Variants in DNMT3A observed in about 807,000 individuals in gnomAD.
DNMT3A encodes the protein DNA methyltransferase 3 alpha.
A neutral mutation model predicts 117.6 loss-of-function variants in DNMT3A; 267 were observed. The ratio of observed to expected loss-of-function variants is 2.27; its 90% CI spans 2.05 to 2.51. The LOEUF (loss-of-function observed/expected upper bound fraction) is 2.51. Ranked by LOEUF, DNMT3A falls within the 30% of genes most tolerant of loss-of-function variation. The probability of loss-of-function intolerance (pLI) is 0.00; values close to 1 mark genes in which losing one functional copy is unlikely to be tolerated. For synonymous variants in DNMT3A, 432 were observed against 474.8 expected (o/e 0.91, Z 1.17); for missense variants, 1,029 against 1,260.2 (o/e 0.82, Z 2.78).
chr2:25,305,736 C>A lies in DNMT3A; in HGVS notation c.73-5493G>T, dbSNP rs2033748244. On this transcript the variant is annotated intron_variant, in intron 2 of 22. Coordinates refer to ENST00000321117, the MANE Select transcript of DNMT3A (RefSeq NM_022552.5). The surrounding 1 kb of genome is among the most constrained non-coding windows in gnomAD (Gnocchi z 4.1). Reference sequence around the variant, plus strand: ...CACACACAGTGACACCATAAAGATACAGGCAATCCAAGGTCAAGGCACACT... The same window carrying A: ...CACACACAGTGACACCATAAAGATAAAGGCAATCCAAGGTCAAGGCACACT... Among the ~76,000 whole-genome samples the A allele has an allele frequency of 6.6e-6, 1 of 152,180 alleles. No individual in the cohort carries two copies. Among genetic ancestry groups the A allele is most frequent in the South Asian group, 2.1e-4 (1 of 4,828 alleles).
At chr2:25,274,715 A>G (rs934650010) in intron 6 of DNMT3A, among the ~76,000 whole-genome samples, 2 of 152,216 alleles carry the variant, frequency 1.3e-5, no homozygotes, top group East Asian at 1.9e-4. Flanking sequence ...TGTCAACTCC[A>G]TGAGAGCAGG....
At chr2:25,321,489 ATTAAT>A (rs1299602886) in intron 1 of DNMT3A, among the ~76,000 whole-genome samples, 4 of 152,196 alleles carry the variant, frequency 2.6e-5, no homozygotes, top group African/African-American at 9.7e-5. Context: ...TCTCTAGGTC[ATTAAT>A]TTAATCACAT....
chr2:25,326,108 A>ATGTGTGTGTG (rs61521265), intron 1 of DNMT3A, among the ~76,000 whole-genome samples: 2,254 of 142,316 alleles, frequency 0.016, 23 homozygotes, highest in African/African-American at 0.031. Context: ...CTTGATATAT[A>ATGTGTGTGTG]TGTGTGTGTG....
intron 1 of DNMT3A, among the ~76,000 whole-genome samples, chr2:25,325,807 C>A (rs1367856712): frequency 6.6e-6 from 1 of 152,314 alleles, no homozygotes; most frequent in East Asian, 1.9e-4. Flanking sequence ...TGGAACCCAG[C>A]GAATTCTCTC....
chr2:25,240,264 C>G, intron 19 of DNMT3A, 38 bp downstream of exon 19: 1 of 1,613,494 alleles, frequency 6.2e-7, no homozygotes, highest in East Asian at 2.2e-5. Context: ...AGGTAGAAGC[C>G]ATTAGTGAGC....
rs1035999814 is a variant in DNMT3A at position 25,294,854 on chromosome 2, C to T, written c.177+5285G>A. ...AGCCCTAACACCAGCTTGGGCTCAG[C>T]TGAGCTCAGCACCAGCGCCCAGCCC... On this transcript the variant is annotated intron_variant, in intron 3 of 22. Transcript: ENST00000321117. The surrounding 1 kb of genome is among the most constrained non-coding windows in gnomAD (Gnocchi z 4.7). Among the ~76,000 whole-genome samples the T allele has an allele frequency of 6.6e-6, 1 of 152,222 alleles. No individual in the cohort carries two copies. The highest frequency in any genetic ancestry group is 1.5e-5 in the Non-Finnish European group (1 of 68,026).
At chr2:25,275,741 G>C (rs528934546) in intron 4 of DNMT3A, among the ~76,000 whole-genome samples, 198 bp from the exon 5 acceptor site, 1 of 152,344 alleles carries the variant, frequency 6.6e-6, no homozygotes, top group East Asian at 1.9e-4. Flanking sequence ...GCAGGGCCTA[G>C]GGCAGAGAAA....
At chr2:25,314,335 C>T in intron 1 of DNMT3A, 174 bp from the exon 2 acceptor site, 1 of 985,330 alleles carries the variant, frequency 1.0e-6, no homozygotes, top group Non-Finnish European at 1.2e-6. Context: ...GGGCCACCTC[C>T]TACCCCAGCA....
At chr2:25,278,001 T>TCTCACA (rs769383520) in intron 4 of DNMT3A, among the ~76,000 whole-genome samples, 1 of 90,500 alleles carries the variant, frequency 1.1e-5, no homozygotes, top group South Asian at 4.3e-4. Context: ...ACTTGAGTGA[T>TCTCACA]CACACACACA....
rs924090661 is a variant in DNMT3A, at chr2:25,286,300, C to G, written c.178-3589G>C. 8.5e-5 allele frequency among the ~76,000 whole-genome samples: 13 copies of G among 152,240 alleles called. 1 individual carries two copies. The highest frequency in any genetic ancestry group is 1.8e-4 in the Non-Finnish European group (12 of 68,042). On this transcript the variant is annotated intron_variant, in intron 3 of 22. Transcript: ENST00000321117. The surrounding 1 kb of genome is among the most constrained non-coding windows in gnomAD (Gnocchi z 4.3). The stretch of plus-strand genomic sequence containing the variant: ...CCTGCCCTGGCCTTGCCCGCGGACC[C>G]CAGTCTGCAACAGCACCAGATGCGC...
intron 6 of DNMT3A, among the ~76,000 whole-genome samples, chr2:25,264,140 T>TTTTTTTTTTTTC (rs2029981999): frequency 7.7e-6 from 1 of 130,620 alleles, no homozygotes; most frequent in African/African-American, 2.8e-5. Context: ...TGGTTTTTTT[T>TTTTTTTTTTTTC]TTTTTTTTTT....
chr2:25,293,675 A>AT lies in DNMT3A; in HGVS notation c.177+6463_177+6464insA, dbSNP rs1558716405. The stretch of plus-strand genomic sequence containing the variant: ...CTACTATTTATTATATATATATATA[A>AT]AAATTTATTTTTTTGAGACAGAGTC... On this transcript the variant is annotated intron_variant, in intron 3 of 22. Transcript: ENST00000321117. This position sits in a 1 kb window ranked among gnomAD's most constrained non-coding sequence, Gnocchi z 4.7. Among the ~76,000 whole-genome samples, 1,061 of 151,660 alleles carry AT rather than the reference A, an allele frequency of 7.0e-3. 12 individuals carry two copies. Among genetic ancestry groups the AT allele is most frequent in the African/African-American group, 0.024 (1,007 of 41,344 alleles).
chr2:25,326,517 G>C (rs557531396), intron 1 of DNMT3A, among the ~76,000 whole-genome samples: 15 of 152,204 alleles, frequency 9.9e-5, no homozygotes, highest in Non-Finnish European at 2.1e-4. Context: ...TGTGAAGATG[G>C]AGCTGGGCCC....
chr2:25,309,215 C>T (rs2033950693), intron 2 of DNMT3A, among the ~76,000 whole-genome samples: 1 of 152,208 alleles, frequency 6.6e-6, no homozygotes, highest in Non-Finnish European at 1.5e-5. Context: ...CATCCAACAG[C>T]CTTGCGGAGC....
chr2:25,326,021 G>A (rs1442284884), intron 1 of DNMT3A, among the ~76,000 whole-genome samples: 1 of 152,056 alleles, frequency 6.6e-6, no homozygotes, highest in African/African-American at 2.4e-5. Context: ...AATGAAGCCA[G>A]GTAGCAAGTG....
chr2:25,284,193 AC>A (rs1273853118), intron 3 of DNMT3A, among the ~76,000 whole-genome samples: 1 of 152,206 alleles, frequency 6.6e-6, no homozygotes, highest in Non-Finnish European at 1.5e-5. Flanking sequence ...AAAGGCAGGG[AC>A]AGCATCAGCA....
At position 25,311,745 on chromosome 2, in the gene DNMT3A, C is replaced by T. The variant is rs756447080; in HGVS notation, c.72+2168G>A. On this transcript the variant is annotated intron_variant, in intron 2 of 22. Coordinates refer to ENST00000321117, the MANE Select transcript of DNMT3A (RefSeq NM_022552.5). This position sits in a 1 kb window ranked among gnomAD's most constrained non-coding sequence, Gnocchi z 5.2. ...GACCTTATCTGACTTCCACAACCAC[C>T]CTTTAAAACAGGCAAGGCTGGAGTC... is the stretch of plus-strand genomic sequence containing the variant. Among the ~76,000 whole-genome samples, 72 of 152,158 alleles carry T rather than the reference C, an allele frequency of 4.7e-4. No individual in the cohort carries two copies. Among genetic ancestry groups the T allele is most frequent in the Non-Finnish European group, 9.1e-4 (62 of 68,014 alleles).
At chr2:25,323,094 C>A (rs1200375500) in intron 1 of DNMT3A, among the ~76,000 whole-genome samples, 1 of 152,056 alleles carries the variant, frequency 6.6e-6, no homozygotes, top group East Asian at 1.9e-4. Flanking sequence ...CAACCCTCAC[C>A]CCAGGCAAGT....
chr2:25,263,342 G>A (rs1676768358), intron 6 of DNMT3A, among the ~76,000 whole-genome samples: 1 of 151,992 alleles, frequency 6.6e-6, no homozygotes, highest in African/African-American at 2.4e-5. Context: ...CTTTACACAG[G>A]AGCACAGAGC....
Sources: gnomAD v4.1 joint callset for allele counts (sites outside exome capture counted in the v4.1 genomes callset) on GRCh38, gnomAD v4.1.1 for gene constraint, Gnocchi (gnomAD v3.1) non-coding constraint, MANE v1.5 for transcripts, NCBI Gene and HGNC (gene_info 2026-07-23, HGNC 2026-07-21) for gene names.